ABCA8: variants seen among roughly 807,000 people sequenced by gnomAD.
ABCA8 encodes ABC-type organic anion transporter ABCA8.
ABCA8 carries 177 observed loss-of-function variants against 192.3 expected under a neutral mutation model. That is an observed-to-expected ratio of 0.92 (90% confidence interval 0.81 to 1.04). The LOEUF is 1.04. Among genes scored for constraint, ABCA8 ranks in the 50% least tolerant of loss-of-function variants. The probability of loss-of-function intolerance (pLI) is 0.00; values close to 1 mark genes in which losing one functional copy is unlikely to be tolerated. For missense variants in ABCA8, 1,915 were observed against 1,904.8 expected (o/e 1.01, Z -0.10); for synonymous variants, 642 against 690.2 (o/e 0.93, Z 1.09).
At position 68,921,440 on chromosome 17, in the gene ABCA8, A is replaced by G. The variant is rs779125800; in HGVS notation, c.1554T>C (p.Ser518=). 6.2e-7 allele frequency: 1 copy of G among 1,611,334 alleles called. No homozygotes were observed. ...TTAGCAGTGTTGACTTTCCAGCTCC[A>G]CTGTGACCAAGTATTGCAGTGATTT... ...EGQITAILGH[S]GAGKSTLLNI... The change falls in exon 13 of 40, where the codon AGT becomes AGC. Residue 518 remains serine, a synonymous_variant. Coordinates refer to ENST00000586539, the MANE Select transcript of ABCA8 (RefSeq NM_001288985.2).
At chr17:68,929,530 G>T in intron 8 of ABCA8, 31 bp downstream of exon 8, 1 of 1,597,664 alleles carries the variant, frequency 6.3e-7, no homozygotes, top group Non-Finnish European at 8.5e-7. Context: ...GGCTATAGGT[G>T]GATGGAAAGA....
At position 68,928,017 on chromosome 17, in the gene ABCA8, G is replaced by T; in HGVS notation, c.1172C>A (p.Pro391Gln). 2 of 1,605,142 alleles carry T rather than the reference G, an allele frequency of 1.2e-6. No homozygotes were observed. The highest frequency in any genetic ancestry group is 1.7e-6 in the Non-Finnish European group (2 of 1,176,724). Reference sequence around the variant, plus strand: ...TACAATGAGATTTGAGCCGTCCGATGGATGAGGAAATGCATTAGAATTCAA... The same window carrying T: ...TACAATGAGATTTGAGCCGTCCGATTGATGAGGAAATGCATTAGAATTCAA... Reference protein sequence around the residue: ...YDLNSNAFPHPSDGSNLIVAT... With the variant: ...YDLNSNAFPHQSDGSNLIVAT... Residue 391 changes from proline to glutamine, a missense_variant, in exon 10 of 40, where the codon CCA (proline) becomes CAA (glutamine). Pro to Gln is a moderately conservative substitution (Grantham distance 76). Transcript: ENST00000586539.
At chr17:68,888,616 A>G (rs2066549521) in intron 24 of ABCA8, among the ~76,000 whole-genome samples, 1 of 152,176 alleles carries the variant, frequency 6.6e-6, no homozygotes, top group Non-Finnish European at 1.5e-5. Context: ...TGGTGCTGCT[A>G]TATATGGAGA....
intron 23 of ABCA8, 48 bp downstream of exon 23, chr17:68,894,125 G>A: frequency 6.3e-7 from 1 of 1,586,638 alleles, no homozygotes; most frequent in Non-Finnish European, 8.6e-7. Flanking sequence ...TGATCTGGGA[G>A]ATTCCTGATA....
intron 15 of ABCA8, 92 bp from the exon 16 acceptor site, chr17:68,918,277 G>T: frequency 6.5e-7 from 1 of 1,530,286 alleles, no homozygotes; most frequent in Non-Finnish European, 8.9e-7. Flanking sequence ...ATATTTAACA[G>T]AGTATTACGG....
At position 68,919,476 on chromosome 17, in the gene ABCA8, C is replaced by A. The variant is rs1473270437; in HGVS notation, c.1613G>T (p.Gly538Val). 1 of 1,609,004 alleles carries A rather than the reference C, an allele frequency of 6.2e-7. No individual in the cohort carries two copies. Among genetic ancestry groups the A allele is most frequent in the Admixed American group, 1.7e-5 (1 of 59,078 alleles). Residue 538 changes from glycine to valine, a missense_variant and splice_region_variant, in exon 14 of 40, where the codon GGT (glycine) becomes GTT (valine). Gly to Val is a moderately radical substitution (Grantham distance 109). Coordinates refer to ENST00000586539, the MANE Select transcript of ABCA8 (RefSeq NM_001288985.2). ...CTTATTGTTATAGATGGTGACTGAA[C>A]CTGTAACAAAGGAAAAGTTAATATC... ...ILSGLSVPTK[G>V]SVTIYNNKLS...
chr17:68,870,184 C>A (rs367834594), intron 37 of ABCA8, among the ~76,000 whole-genome samples: 2 of 152,348 alleles, frequency 1.3e-5, no homozygotes, highest in African/African-American at 4.8e-5. Flanking sequence ...ACTCCATAAC[C>A]TGACCCCTCA....
intron 32 of ABCA8, chr17:68,878,836 AT>A (rs2066268783): frequency 6.6e-6 from 1 of 152,204 alleles, no homozygotes; most frequent in South Asian, 2.1e-4. Flanking sequence ...GGGATTGTGA[AT>A]ATCGGTTTTC....
chr17:68,882,851 A>C, intron 29 of ABCA8, 132 bp from the exon 30 acceptor site: 20 of 748,670 alleles, frequency 2.7e-5, no homozygotes, highest in Non-Finnish European at 3.5e-5. Context: ...CACAACTCTC[A>C]TCCCCTTAAA....
chr17:68,943,513 A>C (rs1299342517), intron 2 of ABCA8, among the ~76,000 whole-genome samples: 1 of 152,194 alleles, frequency 6.6e-6, no homozygotes, highest in African/African-American at 2.4e-5. Context: ...ACAATGCATA[A>C]ATTCTCAAGA....
chr17:68,906,209 T>G, intron 18 of ABCA8, 46 bp from the exon 19 acceptor site: 1 of 1,398,112 alleles, frequency 7.2e-7, no homozygotes, highest in Non-Finnish European at 9.4e-7. Context: ...GAATCACAAG[T>G]GAACTGAAGA....
At chr17:68,893,950 T>C in intron 23 of ABCA8, 1 of 374,872 alleles carries the variant, frequency 2.7e-6, no homozygotes, top group South Asian at 2.2e-5. Context: ...TGTGATCTCA[T>C]TATTCTCTTT....
chr17:68,920,038 G>T (rs1014066264), intron 13 of ABCA8: 1 of 152,010 alleles, frequency 6.6e-6, no homozygotes, highest in African/African-American at 2.4e-5. Context: ...AGAAAATGGG[G>T]GTACATACAC....
chr17:68,897,806 A>G (rs2066804504), intron 21 of ABCA8, among the ~76,000 whole-genome samples: 1 of 152,180 alleles, frequency 6.6e-6, no homozygotes, highest in African/African-American at 2.4e-5. Flanking sequence ...GGGATTATGC[A>G]ACCTGAAGAA....
rs1421057137 is a variant in ABCA8, at chr17:68,881,118, A to G, written c.4038+2T>C. The G allele has an allele frequency of 1.9e-6, 3 of 1,600,426 alleles. No homozygotes were observed. The highest frequency in any genetic ancestry group is 3.4e-4 in the Middle Eastern group (2 of 5,952). ...AACATATTTTCCACATAATTCACCT[A>G]CTTGTCCAGCAGTTGGTTTTGTGTC... On this transcript the variant is annotated splice_donor_variant, in intron 32 of 39. Transcript: ENST00000586539. LOFTEE classifies it high-confidence loss of function.
In ABCA8 at chr17:68,875,611, C is replaced by A; in HGVS notation, c.4490+3G>T. 2 of 1,613,780 alleles carry A rather than the reference C, an allele frequency of 1.2e-6. No homozygotes were observed. Among genetic ancestry groups the A allele is most frequent in the South Asian group, 1.1e-5 (1 of 91,022 alleles). On this transcript the variant is annotated splice_donor_region_variant and intron_variant, in intron 36 of 39. Coordinates refer to ENST00000586539, the MANE Select transcript of ABCA8 (RefSeq NM_001288985.2). ...CAAGTGTGGGTCCAGGACAGGCACT[C>A]ACCTCAACCTCCCAGATACCATGAT... is the stretch of plus-strand genomic sequence containing the variant.
intron 3 of ABCA8, among the ~76,000 whole-genome samples, chr17:68,941,395 C>A (rs995173026): frequency 6.6e-6 from 1 of 152,054 alleles, no homozygotes; most frequent in Non-Finnish European, 1.5e-5. Flanking sequence ...AAAAATGCTA[C>A]CTAGCTATAT....
At chr17:68,906,803 C>T (rs752190120) in intron 18 of ABCA8, among the ~76,000 whole-genome samples, 17 of 152,232 alleles carry the variant, frequency 1.1e-4, no homozygotes, top group Admixed American at 3.9e-4. Context: ...TTCTTTAGTT[C>T]GTTCACCAAA....
Position 68,875,312 on chromosome 17 carries a change from G to A in ABCA8, c.4579C>T (p.Pro1527Ser), listed in dbSNP as rs773253039. Residue 1527 changes from proline to serine, a missense_variant, in exon 37 of 40, where the codon CCC becomes TCC. By Grantham distance (74) the Pro-to-Ser change is moderately conservative (BLOSUM62 -1). Coordinates refer to ENST00000586539, the MANE Select transcript of ABCA8 (RefSeq NM_001288985.2). ...MKVKNLAQVE[P>S]LHAEILRLFP... ...AGCCTCAGGATCTCTGCATGGAGGG[G>A]CTCCACTTGTGCCAGGTTCTTCACC... 6.2e-7 allele frequency: 1 copy of A among 1,614,086 alleles called. No homozygotes were observed.
Sources: allele counts gnomAD v4.1 joint callset (sites outside exome capture counted in the v4.1 genomes callset), GRCh38; gene constraint gnomAD v4.1.1; transcripts MANE v1.5; gene names NCBI Gene and HGNC (gene_info 2026-07-23, HGNC 2026-07-21).